TENM2: variants seen among roughly 807,000 people sequenced by gnomAD.
TENM2 encodes teneurin-2.
A neutral mutation model predicts 245.2 loss-of-function variants in TENM2; 52 were observed. That is an observed-to-expected ratio of 0.21 (90% confidence interval 0.17 to 0.27). The LOEUF is 0.27. Ranked by LOEUF, TENM2 falls within the 10% of genes least tolerant of loss-of-function variation. TENM2 has a pLI of 1.00. For missense variants in TENM2, 3,046 were observed against 3,666.8 expected, an observed-to-expected ratio of 0.83 and a Z score of 4.37; for synonymous variants, 1,363 against 1,438.9, an observed-to-expected ratio of 0.95 and a Z score of 1.19.
Position 168,218,116 on chromosome 5 carries a change from C to T in TENM2, c.4234-9C>T. The stretch of plus-strand genomic sequence containing the variant: ...GCTGTTCTTTAATCTGATACCACGT[C>T]ATCCACAGGTTCGTCTGGAGTGGCC... On this transcript the variant is annotated splice_polypyrimidine_tract_variant and intron_variant, in intron 22 of 28. Coordinates refer to ENST00000518659, the Ensembl canonical transcript of TENM2. The surrounding 1 kb of genome is among the most constrained non-coding windows in gnomAD (Gnocchi z 5.2). 6.2e-7 allele frequency: 1 copy of T among 1,608,596 alleles called. No homozygotes were observed. Among genetic ancestry groups the T allele is most frequent in the Non-Finnish European group, 8.5e-7 (1 of 1,175,802 alleles).
chr5:168,064,108 C>G (rs1790288757), intron 7 of TENM2, among the ~76,000 whole-genome samples: 1 of 152,064 alleles, frequency 6.6e-6, no homozygotes, highest in Non-Finnish European at 1.5e-5. Context: ...CTCATCAAGA[C>G]AAGAAGAGGA....
the TENM2 span, among the ~76,000 whole-genome samples, chr5:167,157,728 T>A: frequency 2.6e-5 from 4 of 152,190 alleles, no homozygotes; most frequent in East Asian, 7.7e-4. Flanking sequence ...AAAAATTAAG[T>A]GTCCAGTGTG....
the TENM2 span, among the ~76,000 whole-genome samples, chr5:167,151,904 TC>T: frequency 6.6e-6 from 1 of 152,314 alleles, no homozygotes; most frequent in African/African-American, 2.4e-5. Flanking sequence ...CTGTTGACTC[TC>T]TTCACATTCA....
At chr5:168,116,129 A>C (rs1402044110) in intron 9 of TENM2, among the ~76,000 whole-genome samples, 1 of 151,998 alleles carries the variant, frequency 6.6e-6, no homozygotes, top group African/African-American at 2.4e-5. Flanking sequence ...CTCTTTTTCT[A>C]CCCTCTGTTA....
In TENM2 at chr5:167,592,369, A is replaced by G. The variant is rs536806549; in HGVS notation, c.502+216896A>G. ...CCCCAGCTCAGCAAGAGCGGTGTGGAAATGTTGGTAAACCCCTTTATTACT... is the reference window on the plus strand; with the variant it reads ...CCCCAGCTCAGCAAGAGCGGTGTGGGAATGTTGGTAAACCCCTTTATTACT... On this transcript the variant is annotated intron_variant, in intron 2 of 28. Coordinates refer to ENST00000518659, the Ensembl canonical transcript of TENM2. Among the ~76,000 whole-genome samples the G allele has an allele frequency of 5.3e-5, 8 of 152,292 alleles. No homozygotes were observed. In the South Asian group the frequency reaches 1.4e-3, roughly 28 times the overall value.
intron 2 of TENM2, among the ~76,000 whole-genome samples, chr5:167,550,274 T>C (rs1410677762): frequency 2.6e-5 from 4 of 152,212 alleles, no homozygotes; most frequent in African/African-American, 9.6e-5. Flanking sequence ...TTCTGCTGGT[T>C]CGCTGTACTA....
chr5:167,268,114 ATTATC>A, the TENM2 span, among the ~76,000 whole-genome samples: 17,137 of 152,136 alleles, frequency 0.11, 1,125 homozygotes, highest in East Asian at 0.18. Context: ...AAATATCTTT[ATTATC>A]TTAAGTGCAA....
At chr5:167,815,972 T>TTG (rs34151147) in intron 2 of TENM2, among the ~76,000 whole-genome samples, 10,498 of 144,008 alleles carry the variant, frequency 0.073, 400 homozygotes, top group African/African-American at 0.085. Flanking sequence ...TTATGATCCT[T>TTG]TGTGTGTGTG....
intron 14 of TENM2, among the ~76,000 whole-genome samples, chr5:168,191,799 C>T (rs17663537): frequency 0.031 from 4,662 of 152,134 alleles, 106 homozygotes; most frequent in East Asian, 0.12. Flanking sequence ...AGCCTTTCAT[C>T]GGTCCCCAAC....
intron 4 of TENM2, among the ~76,000 whole-genome samples, chr5:167,977,594 G>T (rs1308419147): frequency 3.9e-5 from 6 of 152,078 alleles, no homozygotes; most frequent in Admixed American, 3.3e-4. Flanking sequence ...AAATATTTTG[G>T]CTCTTTCTAC....
At chr5:167,943,223 C>T (rs901053865) in intron 3 of TENM2, among the ~76,000 whole-genome samples, 1 of 152,164 alleles carries the variant, frequency 6.6e-6, no homozygotes, top group African/African-American at 2.4e-5. Context: ...AACCTTTATC[C>T]CATCCTTGCC....
At chr5:167,697,538 A>G (rs1757844876) in intron 2 of TENM2, among the ~76,000 whole-genome samples, 1 of 151,396 alleles carries the variant, frequency 6.6e-6, no homozygotes, top group African/African-American at 2.4e-5. Flanking sequence ...AGAGTTATCA[A>G]TTTTTTTTTG....
chr5:167,604,018 C>T (rs1776843765), intron 2 of TENM2, among the ~76,000 whole-genome samples: 1 of 152,082 alleles, frequency 6.6e-6, no homozygotes, highest in Non-Finnish European at 1.5e-5. Context: ...TGTAGTGGGG[C>T]ACATGTATCT....
intron 1 of TENM2, among the ~76,000 whole-genome samples, chr5:167,303,661 G>A (rs1344698306): frequency 6.6e-6 from 1 of 152,194 alleles, no homozygotes; most frequent in African/African-American, 2.4e-5. Context: ...GGCTTAGCTT[G>A]GGCTCAGAGG....
chr5:168,019,311 T>C (rs1027859546), intron 5 of TENM2, among the ~76,000 whole-genome samples: 1 of 151,988 alleles, frequency 6.6e-6, no homozygotes, highest in African/African-American at 2.4e-5. Context: ...CAATTCTGAG[T>C]GGAAGAGGGC....
At chr5:167,751,232 TC>T in intron 2 of TENM2, among the ~76,000 whole-genome samples, 1 of 152,160 alleles carries the variant, frequency 6.6e-6, no homozygotes, top group Non-Finnish European at 1.5e-5. Context: ...CCCTATGGAC[TC>T]TGCCTTAACA....
At chr5:167,227,642 T>C in the TENM2 span, among the ~76,000 whole-genome samples, 3 of 152,164 alleles carry the variant, frequency 2.0e-5, no homozygotes, top group African/African-American at 4.8e-5. Flanking sequence ...CTGATGGGCG[T>C]TTCTTTATAG....
At chr5:167,776,448 T>C (rs925543653) in intron 2 of TENM2, among the ~76,000 whole-genome samples, 2 of 151,212 alleles carry the variant, frequency 1.3e-5, no homozygotes, top group South Asian at 2.1e-4. Context: ...ATACAAAAAT[T>C]AGCTGAGCGT....
the TENM2 span, among the ~76,000 whole-genome samples, chr5:167,275,796 A>G: frequency 5.9e-5 from 9 of 152,138 alleles, no homozygotes; most frequent in South Asian, 1.2e-3. Context: ...CAATCATGTC[A>G]TCTGTAAACA....
Sources: allele counts gnomAD v4.1 joint callset (sites outside exome capture counted in the v4.1 genomes callset), GRCh38; gene constraint gnomAD v4.1.1; non-coding constraint Gnocchi (gnomAD v3.1); transcripts MANE v1.5; gene names NCBI Gene and HGNC (gene_info 2026-07-23, HGNC 2026-07-21).